PPP2R2B: variants seen among roughly 807,000 people sequenced by gnomAD.
PPP2R2B encodes serine/threonine-protein phosphatase 2A 55 kDa regulatory subunit B beta isoform.
A neutral mutation model predicts 46.0 loss-of-function variants in PPP2R2B; 5 were observed. The ratio of observed to expected loss-of-function variants is 0.11; its 90% CI spans 0.06 to 0.23. The LOEUF is 0.23. PPP2R2B is among the 10% of genes least tolerant of loss of function. PPP2R2B has a pLI of 1.00. For synonymous variants in PPP2R2B, 215 were observed against 206.7 expected (o/e 1.04, Z -0.34); for missense variants, 367 against 575.0 (o/e 0.64, Z 3.70).
At chr5:146,692,053 ACTAT>A (rs1267903213) in intron 4 of PPP2R2B, among the ~76,000 whole-genome samples, 2 of 152,194 alleles carry the variant, frequency 1.3e-5, no homozygotes, top group African/African-American at 4.8e-5. Flanking sequence ...TTATCAAATA[ACTAT>A]CTGTCTCTTT....
At chr5:147,075,199 G>A (rs926865081) in intron 2 of PPP2R2B, among the ~76,000 whole-genome samples, 1 of 152,144 alleles carries the variant, frequency 6.6e-6, no homozygotes, top group Non-Finnish European at 1.5e-5. Flanking sequence ...AAAATTTCAT[G>A]CAATGAAATC....
At chr5:146,700,118 G>A (rs1338490794) in intron 3 of PPP2R2B, among the ~76,000 whole-genome samples, 1 of 152,068 alleles carries the variant, frequency 6.6e-6, no homozygotes, top group Non-Finnish European at 1.5e-5. Flanking sequence ...TTGAGGGGAG[G>A]TGTACTGCAA....
At chr5:146,914,428 T>A (rs1264503419) in intron 1 of PPP2R2B, 1 of 152,170 alleles carries the variant, frequency 6.6e-6, no homozygotes, top group Non-Finnish European at 1.5e-5. Flanking sequence ...TGGTACGTCA[T>A]TACAACCTAT....
Position 146,650,543 on chromosome 5 carries a change from A to T in PPP2R2B, c.625+4T>A. 1 of 1,612,110 alleles carries T rather than the reference A, an allele frequency of 6.2e-7. No homozygotes were observed. Among genetic ancestry groups the T allele is most frequent in the Non-Finnish European group, 8.5e-7 (1 of 1,178,776 alleles). ...GTTGATTCTTGATCACAAAGAAAGGATACTAAAACTTTGATTGGTTATTTC... is the reference window on the plus strand; with the variant it reads ...GTTGATTCTTGATCACAAAGAAAGGTTACTAAAACTTTGATTGGTTATTTC... On this transcript the variant is annotated splice_donor_region_variant and intron_variant, in intron 6 of 9. Coordinates refer to ENST00000394411, the MANE Select transcript of PPP2R2B (RefSeq NM_181675.4).
At chr5:146,603,817 G>C (rs1772008294) in intron 7 of PPP2R2B, among the ~76,000 whole-genome samples, 1 of 152,128 alleles carries the variant, frequency 6.6e-6, no homozygotes. Context: ...GGATAACTAA[G>C]GCACAGAGAG....
At chr5:146,749,609 T>A (rs1174048666) in intron 2 of PPP2R2B, among the ~76,000 whole-genome samples, 2 of 145,376 alleles carry the variant, frequency 1.4e-5, no homozygotes, top group Non-Finnish European at 3.0e-5. Flanking sequence ...TTCTTTTCTT[T>A]TTTTTTTTTT....
intron 2 of PPP2R2B, among the ~76,000 whole-genome samples, chr5:146,774,678 G>A (rs1490222172): frequency 2.6e-5 from 4 of 152,004 alleles, no homozygotes; most frequent in South Asian, 2.1e-4. Context: ...TTAGCTGGGC[G>A]TGGTGGTGCA....
At chr5:146,742,290 C>T (rs542593217) in intron 2 of PPP2R2B, among the ~76,000 whole-genome samples, 16 of 152,214 alleles carry the variant, frequency 1.1e-4, no homozygotes, top group African/African-American at 3.1e-4. Context: ...GGACTCCACA[C>T]CAACTGCCTC....
At chr5:146,709,893 T>C (rs532274174) in intron 2 of PPP2R2B, among the ~76,000 whole-genome samples, 2 of 152,324 alleles carry the variant, frequency 1.3e-5, no homozygotes, top group Admixed American at 6.5e-5. Context: ...ACTATACATG[T>C]CTTTCCATCT....
chr5:146,810,150 C>A (rs1429620291), intron 2 of PPP2R2B, among the ~76,000 whole-genome samples: 1 of 152,152 alleles, frequency 6.6e-6, no homozygotes, highest in Non-Finnish European at 1.5e-5. Flanking sequence ...ACTAACATCT[C>A]CCTTTACAGA....
At chr5:146,920,503 C>T (rs1224228234) in intron 1 of PPP2R2B, among the ~76,000 whole-genome samples, 2 of 152,176 alleles carry the variant, frequency 1.3e-5, no homozygotes, top group African/African-American at 4.8e-5. Flanking sequence ...TCAGGGAGGG[C>T]AGTAACAATA....
intron 2 of PPP2R2B, among the ~76,000 whole-genome samples, chr5:146,739,315 T>C (rs1485351900): frequency 6.6e-6 from 1 of 152,190 alleles, no homozygotes; most frequent in East Asian, 1.9e-4. Context: ...CCACTGTACT[T>C]GGGAAGAAGT....
chr5:146,992,102 A>G (rs1580766254), intron 1 of PPP2R2B, among the ~76,000 whole-genome samples: 2 of 152,152 alleles, frequency 1.3e-5, no homozygotes, highest in African/African-American at 4.8e-5. Context: ...GAGTTATTAA[A>G]CCACCTGATT....
intron 1 of PPP2R2B, among the ~76,000 whole-genome samples, chr5:146,900,905 A>G (rs939327974): frequency 6.6e-6 from 1 of 150,850 alleles, no homozygotes. Context: ...TTCCTGCATT[A>G]GTTTGCTGAG....
chr5:146,679,987 C>T (rs1467316060), intron 5 of PPP2R2B, among the ~76,000 whole-genome samples: 11 of 130,402 alleles, frequency 8.4e-5, no homozygotes, highest in South Asian at 2.7e-4. Context: ...GTCAGTGTGG[C>T]GATTCCTCAG....
At chr5:146,933,170 A>T (rs145804131) in intron 1 of PPP2R2B, among the ~76,000 whole-genome samples, 24 of 152,308 alleles carry the variant, frequency 1.6e-4, no homozygotes, top group African/African-American at 5.8e-4. Context: ...ATTTCAAGTA[A>T]CAGGGATTGG....
At chr5:146,840,055 G>C (rs1759534323) in intron 2 of PPP2R2B, among the ~76,000 whole-genome samples, 1 of 152,198 alleles carries the variant, frequency 6.6e-6, no homozygotes, top group African/African-American at 2.4e-5. Context: ...GTGTAGCTGA[G>C]CTAAAAGAGC....
chr5:146,807,103 C>G (rs1366156003), intron 2 of PPP2R2B, among the ~76,000 whole-genome samples: 1 of 152,206 alleles, frequency 6.6e-6, no homozygotes. Flanking sequence ...GGCCTCCACC[C>G]AGACCAACTG....
At chr5:146,601,397 G>C (rs1045920197) in intron 7 of PPP2R2B, among the ~76,000 whole-genome samples, 1 of 152,090 alleles carries the variant, frequency 6.6e-6, no homozygotes, top group African/African-American at 2.4e-5. Flanking sequence ...AAGATTTCAA[G>C]ACCAGCCTGG....
Sources: gnomAD v4.1 joint callset for allele counts (sites outside exome capture counted in the v4.1 genomes callset) on GRCh38, gnomAD v4.1.1 for gene constraint, MANE v1.5 for transcripts, NCBI Gene and HGNC (gene_info 2026-07-23, HGNC 2026-07-21) for gene names.